The following PALMD variants were observed in gnomAD, a reference collection of about 807,000 sequenced individuals.
PALMD encodes the protein palmdelphin.
A neutral mutation model predicts 56.2 loss-of-function variants in PALMD; 42 were observed. That is an observed-to-expected ratio of 0.75 (90% CI 0.58 to 0.97). The LOEUF is 0.97. Ranked by LOEUF, PALMD falls within the 50% of genes least tolerant of loss-of-function variation. The probability of loss-of-function intolerance (pLI) is 0.00; values close to 1 mark genes in which losing one functional copy is unlikely to be tolerated. For missense variants in PALMD, 660 were observed against 643.8 expected, an observed-to-expected ratio of 1.03 and a Z score of -0.27; for synonymous variants, 242 against 222.9, an observed-to-expected ratio of 1.09 and a Z score of -0.76.
chr1:99,650,697 G>T (rs834993), intron 1 of PALMD, among the ~76,000 whole-genome samples: 75,564 of 151,874 alleles, frequency 0.5, 19,208 homozygotes, highest in East Asian at 0.59. Context: ...TATTCAAAAT[G>T]TCAAGGTGGT....
In PALMD at chr1:99,689,722, G is replaced by C; in HGVS notation, c.1462G>C (p.Ala488Pro). 6.2e-7 allele frequency: 1 copy of C among 1,613,826 alleles called. No individual in the cohort carries two copies. Among genetic ancestry groups the C allele is most frequent in the Non-Finnish European group, 8.5e-7 (1 of 1,179,876 alleles). The part of the protein sequence containing the change: ...PTPLPRKRSE[A>P]SPHENTNHKS... ...ACCACTTCCTAGAAAAAGATCAGAA[G>C]CTAGTCCTCATGAAAACACAAATCA... The change falls in exon 7 of 8, where the codon GCT (alanine) becomes CCT (proline). Residue 488 changes from alanine to proline, a missense_variant. Coordinates refer to ENST00000263174, the MANE Select transcript of PALMD (RefSeq NM_017734.5).
At chr1:99,652,519 G>A (rs1652609825) in intron 1 of PALMD, among the ~76,000 whole-genome samples, 1 of 151,896 alleles carries the variant, frequency 6.6e-6, no homozygotes, top group Admixed American at 6.6e-5. Context: ...AACGAGAATT[G>A]CTTGAACCTG....
rs35317701 is a variant in PALMD at position 99,689,637 on chromosome 1, G to A, written c.1377G>A (p.Glu459=). The A allele has an allele frequency of 1.2e-6, 2 of 1,613,618 alleles. No individual in the cohort carries two copies. Among genetic ancestry groups the A allele is most frequent in the Non-Finnish European group, 1.7e-6 (2 of 1,179,818 alleles). Residue 459 remains glutamate (E), a synonymous_variant, in exon 7 of 8, where the codon GAG becomes GAA. Coordinates refer to ENST00000263174, the MANE Select transcript of PALMD (RefSeq NM_017734.5). ...DEEEEDEGEA[E]KPSYHPIAPH... The stretch of plus-strand genomic sequence containing the variant: ...AGGAGGAGGATGAAGGAGAAGCAGA[G>A]AAACCGTCCTACCACCCCATAGCTC...
intron 3 of PALMD, 151 bp from the exon 4 acceptor site, chr1:99,686,525 G>A (rs935979053): frequency 1.9e-6 from 1 of 527,278 alleles, no homozygotes; most frequent in Non-Finnish European, 3.4e-6. Flanking sequence ...ATCATGCTTA[G>A]TGTGATGCTA....
At chr1:99,672,313 T>C (rs1008194579) in intron 3 of PALMD, among the ~76,000 whole-genome samples, 8 of 152,172 alleles carry the variant, frequency 5.3e-5, no homozygotes, top group Non-Finnish European at 8.8e-5. Context: ...AAGCCTATAT[T>C]GAACGTCTCC....
chr1:99,673,503 ACT>A (rs993232180), intron 3 of PALMD, among the ~76,000 whole-genome samples: 2 of 152,040 alleles, frequency 1.3e-5, no homozygotes, highest in Non-Finnish European at 2.9e-5. Flanking sequence ...GCGAAAAAAA[ACT>A]CTACCATTTG....
At position 99,694,219 on chromosome 1, in the gene PALMD, G is replaced by T; in HGVS notation, c.*157G>T. 1 of 463,680 alleles carries T rather than the reference G, an allele frequency of 2.2e-6. No individual in the cohort carries two copies. Among genetic ancestry groups the T allele is most frequent in the Non-Finnish European group, 3.9e-6 (1 of 259,472 alleles). 28.7% of individuals were successfully genotyped at this position (463,680 alleles called of 1,614,324 possible). A position where few individuals can be genotyped will look rare whatever the true frequency, so the allele number is the denominator to read the frequency against. On this transcript the variant is annotated 3_prime_UTR_variant, in exon 8 of 8. Coordinates refer to ENST00000263174, the MANE Select transcript of PALMD (RefSeq NM_017734.5). ...TGTGAATAAGTAGTAGTCATTATTT[G>T]TGAAAAATTCCCAAAAAGCTGGGGA...
At chr1:99,671,122 C>T (rs1571067324) in intron 3 of PALMD, among the ~76,000 whole-genome samples, 1 of 152,286 alleles carries the variant, frequency 6.6e-6, no homozygotes, top group East Asian at 1.9e-4. Context: ...TGATTTATCA[C>T]TTGACTTACG....
intron 1 of PALMD, 139 bp from the exon 2 acceptor site, chr1:99,662,180 A>C: frequency 1.6e-6 from 1 of 613,210 alleles, no homozygotes. Context: ...TTTGCTTTGA[A>C]ATAGGAGTTT....
chr1:99,693,876 T>C, intron 7 of PALMD, 143 bp from the exon 8 acceptor site: 1 of 637,084 alleles, frequency 1.6e-6, no homozygotes, highest in South Asian at 1.9e-5. Flanking sequence ...TACTATCTTT[T>C]TGTGCTACTA....
At chr1:99,678,457 G>A (rs1371369477) in intron 3 of PALMD, among the ~76,000 whole-genome samples, 1 of 151,982 alleles carries the variant, frequency 6.6e-6, no homozygotes, top group African/African-American at 2.4e-5. Context: ...TGTTGTAGGG[G>A]TTTATGAACA....
chr1:99,657,361 A>C (rs984547452), intron 1 of PALMD, among the ~76,000 whole-genome samples: 1 of 152,132 alleles, frequency 6.6e-6, no homozygotes, highest in Non-Finnish European at 1.5e-5. Flanking sequence ...TGAACATAAG[A>C]GCCTGCATTC....
In PALMD at chr1:99,677,693, G is replaced by C. The variant is rs200723955; in HGVS notation, c.252-8983G>C. On this transcript the variant is annotated intron_variant, in intron 3 of 7. Coordinates refer to ENST00000263174, the MANE Select transcript of PALMD (RefSeq NM_017734.5). The stretch of plus-strand genomic sequence containing the variant: ...CACATGGTACCATCTGAATGCCAAG[G>C]ACACTGGGAAATGTAGTCCATAGCA... Among the ~76,000 whole-genome samples, 7 of 152,244 alleles carry C rather than the reference G, an allele frequency of 4.6e-5. No homozygotes were observed. The East Asian group carries it at 1.4e-3, about 29-fold the overall frequency.
At chr1:99,648,455 AG>A (rs1652490771) in intron 1 of PALMD, among the ~76,000 whole-genome samples, 1 of 152,162 alleles carries the variant, frequency 6.6e-6, no homozygotes, top group African/African-American at 2.4e-5. Context: ...GTATGCAGAG[AG>A]TTTGCAAGAA....
At position 99,689,165 on chromosome 1, in the gene PALMD, T is replaced by TAC; in HGVS notation, c.909_910dup (p.Asn304ThrfsTer30). ...CTGGGTATTGGTGTAAATGAATCCA[T>TAC]ACACAATATGGGCAATGGTCTTTCA... On this transcript the variant is annotated frameshift_variant, in exon 7 of 8. Coordinates refer to ENST00000263174, the MANE Select transcript of PALMD (RefSeq NM_017734.5). LOFTEE classifies it high-confidence loss of function. 1 of 1,613,510 alleles carries TAC rather than the reference T, an allele frequency of 6.2e-7. No individual in the cohort carries two copies. Among genetic ancestry groups the TAC allele is most frequent in the Admixed American group, 1.7e-5 (1 of 59,912 alleles).
chr1:99,687,670 C>T (rs1653539039), intron 6 of PALMD, among the ~76,000 whole-genome samples: 1 of 150,388 alleles, frequency 6.6e-6, no homozygotes, highest in Non-Finnish European at 1.5e-5. Flanking sequence ...TTGAATTTTA[C>T]AGTGGAAGGA....
At chr1:99,683,011 AGAAAGAAG>A (rs1368989258) in intron 3 of PALMD, among the ~76,000 whole-genome samples, 3 of 87,424 alleles carry the variant, frequency 3.4e-5, no homozygotes, top group Non-Finnish European at 5.9e-5. Context: ...GTCTCCAAAA[AGAAAGAAG>A]GAAAGAAAGA....
intron 2 of PALMD, among the ~76,000 whole-genome samples, chr1:99,664,547 C>G (rs1652918663): frequency 6.6e-6 from 1 of 152,174 alleles, no homozygotes; most frequent in African/African-American, 2.4e-5. Flanking sequence ...GAGGCATAAA[C>G]TGCACAGGGC....
intron 3 of PALMD, chr1:99,686,453 C>G (rs1393375269): frequency 3.1e-6 from 1 of 321,938 alleles, no homozygotes; most frequent in Non-Finnish European, 5.6e-6. Context: ...ATTCCTTTGT[C>G]AAAAAAAGAA....
Sources: allele counts gnomAD v4.1 joint callset (sites outside exome capture counted in the v4.1 genomes callset), GRCh38; gene constraint gnomAD v4.1.1; transcripts MANE v1.5; gene names NCBI Gene and HGNC (gene_info 2026-07-23, HGNC 2026-07-21).